ENOX1: variants seen among roughly 807,000 people sequenced by gnomAD.
The protein encoded by ENOX1 is candidate growth-related and time keeping constitutive hydroquinone (NADH) oxidase.
In ENOX1, 42 loss-of-function variants were observed where a neutral mutation model predicts 82.5. The observed-to-expected ratio is 0.51, with a 90% CI of 0.40 to 0.66. The LOEUF (loss-of-function observed/expected upper bound fraction) is 0.66. ENOX1 is among the 30% of genes least tolerant of loss of function. The pLI is 0.00. For synonymous variants in ENOX1, 271 were observed against 282.2 expected, an observed-to-expected ratio of 0.96 and a Z score of 0.40; for missense variants, 608 against 811.6, an observed-to-expected ratio of 0.75 and a Z score of 3.05.
intron 1 of ENOX1, among the ~76,000 whole-genome samples, chr13:43,728,649 A>G (rs886624455): frequency 1.3e-5 from 2 of 152,206 alleles, no homozygotes; most frequent in Admixed American, 1.3e-4. Context: ...TCTAAAAAAA[A>G]CAAAACCATA....
chr13:43,382,879 A>C (rs1480729989), intron 5 of ENOX1, among the ~76,000 whole-genome samples: 1 of 152,200 alleles, frequency 6.6e-6, no homozygotes, highest in Admixed American at 6.5e-5. Flanking sequence ...TATCCAGCCA[A>C]GGTCTTGGTT....
At chr13:43,245,784 G>A (rs2043051895) in intron 14 of ENOX1, among the ~76,000 whole-genome samples, 1 of 152,164 alleles carries the variant, frequency 6.6e-6, no homozygotes, top group South Asian at 2.1e-4. Context: ...GATGTGTGGG[G>A]CTCCAAGATG....
At chr13:43,432,888 T>C (rs772574434) in intron 3 of ENOX1, among the ~76,000 whole-genome samples, 10 of 152,128 alleles carry the variant, frequency 6.6e-5, no homozygotes, top group South Asian at 2.1e-4. Flanking sequence ...TTTTGCTAGA[T>C]ACAAATCGTT....
intron 2 of ENOX1, among the ~76,000 whole-genome samples, chr13:43,617,744 G>C (rs2082544282): frequency 6.6e-6 from 1 of 152,200 alleles, no homozygotes; most frequent in Non-Finnish European, 1.5e-5. Context: ...ATACCCAGTA[G>C]TGGGATTGCT....
intron 1 of ENOX1, among the ~76,000 whole-genome samples, chr13:43,675,914 C>T (rs1328532891): frequency 6.6e-6 from 1 of 152,176 alleles, no homozygotes; most frequent in South Asian, 2.1e-4. Context: ...TTTAATAACC[C>T]ATAAAATGTG....
At chr13:43,254,134 A>G (rs2043614668) in intron 14 of ENOX1, among the ~76,000 whole-genome samples, 1 of 152,144 alleles carries the variant, frequency 6.6e-6, no homozygotes, top group African/African-American at 2.4e-5. Context: ...TTAATCTCAC[A>G]TATTTTCTCG....
chr13:43,467,610 C>G (rs1304745390), intron 3 of ENOX1, among the ~76,000 whole-genome samples: 1 of 151,944 alleles, frequency 6.6e-6, no homozygotes, highest in Non-Finnish European at 1.5e-5. Flanking sequence ...TTTGAGTTCT[C>G]TTTTCACTTT....
At chr13:43,514,083 GAAC>G (rs1477091613) in intron 2 of ENOX1, among the ~76,000 whole-genome samples, 1 of 152,098 alleles carries the variant, frequency 6.6e-6, no homozygotes, top group Non-Finnish European at 1.5e-5. Flanking sequence ...GGGTTAAGTA[GAAC>G]AATAATATCT....
chr13:43,342,237 G>A (rs140199645), intron 9 of ENOX1, among the ~76,000 whole-genome samples: 63 of 152,270 alleles, frequency 4.1e-4, no homozygotes, highest in Middle Eastern at 6.8e-3. Context: ...GACACATCAA[G>A]TAACCAAAGC....
chr13:43,706,820 C>T (rs1161860019), intron 1 of ENOX1, among the ~76,000 whole-genome samples: 1 of 151,932 alleles, frequency 6.6e-6, no homozygotes, highest in East Asian at 1.9e-4. Context: ...ATGCTTTTCT[C>T]CTAAAGTCAG....
chr13:43,565,129 G>A (rs539733590), intron 2 of ENOX1, among the ~76,000 whole-genome samples: 1 of 152,240 alleles, frequency 6.6e-6, no homozygotes, highest in East Asian at 1.9e-4. Context: ...CAAAGCAGGT[G>A]CTGTCATGGG....
At chr13:43,515,901 T>C (rs11619846) in intron 2 of ENOX1, among the ~76,000 whole-genome samples, 5 of 152,148 alleles carry the variant, frequency 3.3e-5, no homozygotes, top group Non-Finnish European at 7.4e-5. Flanking sequence ...CCTGGACACT[T>C]CCTGGATGTC....
At chr13:43,509,692 T>C (rs1169417876) in intron 2 of ENOX1, among the ~76,000 whole-genome samples, 2 of 152,112 alleles carry the variant, frequency 1.3e-5, no homozygotes, top group African/African-American at 4.8e-5. Context: ...GTATTCTCAT[T>C]CATCTTCAAA....
At chr13:43,278,235 T>C (rs1238739099) in intron 12 of ENOX1, among the ~76,000 whole-genome samples, 1 of 152,230 alleles carries the variant, frequency 6.6e-6, no homozygotes, top group Non-Finnish European at 1.5e-5. Context: ...AAACATTTTA[T>C]GTGGCAACTG....
At chr13:43,736,336 A>G (rs1279266638) in intron 1 of ENOX1, among the ~76,000 whole-genome samples, 1 of 152,232 alleles carries the variant, frequency 6.6e-6, no homozygotes, top group Non-Finnish European at 1.5e-5. Flanking sequence ...TATCAAATGT[A>G]CTGTCAATGA....
Position 43,499,165 on chromosome 13 carries a change from G to A in ENOX1, c.-218-15013C>T, listed in dbSNP as rs932213405. 7.2e-5 allele frequency among the ~76,000 whole-genome samples: 11 copies of A among 151,958 alleles called. No individual in the cohort carries two copies. In the East Asian group the frequency reaches 1.9e-3, roughly 27 times the overall value. ...TACTCTTAAATATTGTCAAGGTCATGAAAATCAAGGAAAACCTAAAACTGT... is the reference window on the plus strand; with the variant it reads ...TACTCTTAAATATTGTCAAGGTCATAAAAATCAAGGAAAACCTAAAACTGT... On this transcript the variant is annotated intron_variant, in intron 2 of 16. Coordinates refer to ENST00000690772, the MANE Select transcript of ENOX1 (RefSeq NM_001347969.2).
At chr13:43,286,521 G>A (rs1048353198) in intron 12 of ENOX1, among the ~76,000 whole-genome samples, 2 of 152,160 alleles carry the variant, frequency 1.3e-5, no homozygotes, top group Admixed American at 6.5e-5. Context: ...GCAGCAAAAA[G>A]CAGAAGTCAA....
chr13:43,294,140 A>T (rs2046164422), intron 12 of ENOX1, among the ~76,000 whole-genome samples: 1 of 152,138 alleles, frequency 6.6e-6, no homozygotes, highest in Non-Finnish European at 1.5e-5. Flanking sequence ...CTGGCCTAAG[A>T]CAGCTGGTCT....
intron 3 of ENOX1, among the ~76,000 whole-genome samples, chr13:43,427,209 T>C (rs1164210091): frequency 6.6e-6 from 1 of 152,178 alleles, no homozygotes; most frequent in East Asian, 1.9e-4. Flanking sequence ...TTACTCCTTA[T>C]CTGCCAGCCA....
Sources: allele counts gnomAD v4.1 joint callset (sites outside exome capture counted in the v4.1 genomes callset), GRCh38; gene constraint gnomAD v4.1.1; transcripts MANE v1.5; gene names NCBI Gene and HGNC (gene_info 2026-07-23, HGNC 2026-07-21).